Variants in GLCCI1 observed in about 807,000 individuals in gnomAD.
GLCCI1 encodes glucocorticoid induced 1.
A neutral mutation model predicts 52.2 loss-of-function variants in GLCCI1; 24 were observed. The ratio of observed to expected loss-of-function variants is 0.46; its 90% confidence interval spans 0.33 to 0.65. The LOEUF (loss-of-function observed/expected upper bound fraction) is 0.65. Among genes scored for constraint, GLCCI1 ranks in the 30% least tolerant of loss-of-function variants. GLCCI1 has a pLI of 0.02. For missense variants in GLCCI1, 704 were observed against 701.5 expected, an observed-to-expected ratio of 1.00 and a Z score of -0.04; for synonymous variants, 310 against 276.5, an observed-to-expected ratio of 1.12 and a Z score of -1.20.
rs577606335 is a variant in GLCCI1, at chr7:8,036,545, T to C, written c.696+13976T>C. Reference sequence around the variant, plus strand: ...AAGGATCATACTAACTCTCCAGCAATAGATCCTAATGAAAATGAAATCTTT... The same window carrying C: ...AAGGATCATACTAACTCTCCAGCAACAGATCCTAATGAAAATGAAATCTTT... On this transcript the variant is annotated intron_variant, in intron 3 of 7. Coordinates refer to ENST00000223145, the MANE Select transcript of GLCCI1 (RefSeq NM_138426.4). Among the ~76,000 whole-genome samples, 8 of 152,224 alleles carry C rather than the reference T, an allele frequency of 5.3e-5. No individual in the cohort carries two copies. In the South Asian group the frequency reaches 1.7e-3, roughly 32 times the overall value.
In GLCCI1 at chr7:7,968,922, G is replaced by T; in HGVS notation, c.-429G>T. ...TCTCTACCCTGGTCCCCAGAAGCAG[G>T]GGTCCCGGCCCTCCTTGCAGCTGCC... On this transcript the variant is annotated 5_prime_UTR_variant, in exon 1 of 8. Coordinates refer to ENST00000223145, the MANE Select transcript of GLCCI1 (RefSeq NM_138426.4). The T allele has an allele frequency of 6.5e-6, 1 of 154,608 alleles. No individual in the cohort carries two copies. Among genetic ancestry groups the T allele is most frequent in the South Asian group, 1.6e-4 (1 of 6,122 alleles). The allele number at this position is 154,608 out of a possible 1,614,324, so 9.6% of individuals were successfully genotyped here. A position where few individuals can be genotyped will look rare whatever the true frequency, so the allele number is the denominator to read the frequency against.
chr7:8,080,701 C>G (rs1169261680), intron 6 of GLCCI1, among the ~76,000 whole-genome samples: 3 of 146,916 alleles, frequency 2.0e-5, no homozygotes, highest in African/African-American at 8.2e-5. Flanking sequence ...AGAATAGGCA[C>G]TTAATTTTTG....
At chr7:8,082,022 A>G (rs1280635732) in intron 6 of GLCCI1, among the ~76,000 whole-genome samples, 1 of 152,230 alleles carries the variant, frequency 6.6e-6, no homozygotes, top group Non-Finnish European at 1.5e-5. Flanking sequence ...ATTCTCCGGA[A>G]TACCAGAATG....
At chr7:8,027,048 A>T (rs1303761745) in intron 3 of GLCCI1, among the ~76,000 whole-genome samples, 1 of 152,210 alleles carries the variant, frequency 6.6e-6, no homozygotes, top group Non-Finnish European at 1.5e-5. Context: ...TGTGAAGACT[A>T]CAATAAATAC....
chr7:7,994,606 G>A (rs1780903807), intron 1 of GLCCI1, among the ~76,000 whole-genome samples: 1 of 152,140 alleles, frequency 6.6e-6, no homozygotes, highest in Non-Finnish European at 1.5e-5. Context: ...AGCCCTCATG[G>A]CCTAATTGCC....
At chr7:8,040,364 T>G (rs984343473) in intron 3 of GLCCI1, among the ~76,000 whole-genome samples, 1 of 152,062 alleles carries the variant, frequency 6.6e-6, no homozygotes, top group African/African-American at 2.4e-5. Flanking sequence ...TGTGTGCCTG[T>G]GGTCCGAGTT....
intron 3 of GLCCI1, among the ~76,000 whole-genome samples, chr7:8,043,815 T>A (rs1260986455): frequency 6.6e-6 from 1 of 152,126 alleles, no homozygotes; most frequent in Non-Finnish European, 1.5e-5. Flanking sequence ...AAATTCTGTA[T>A]AACAGGCTAT....
chr7:8,087,889 TCTC>T lies in GLCCI1; in HGVS notation c.*1353_*1355del, dbSNP rs1783151813. On this transcript the variant is annotated 3_prime_UTR_variant, in exon 8 of 8. Transcript: ENST00000223145. The stretch of plus-strand genomic sequence containing the variant: ...GAACTTGCAGACTTTTGACACAAGT[TCTC>T]CACAAAGTGTGAAGAGAGCCCCAGG... 1 of 152,604 alleles carries T rather than the reference TCTC, an allele frequency of 6.6e-6. No homozygotes were observed. The highest frequency in any genetic ancestry group is 2.4e-5 in the African/African-American group (1 of 41,456). The allele number at this position is 152,604 out of a possible 1,614,324, so 9.5% of individuals were successfully genotyped here. A position where few individuals can be genotyped will look rare whatever the true frequency, so the allele number is the denominator to read the frequency against.
intron 1 of GLCCI1, among the ~76,000 whole-genome samples, chr7:7,978,513 C>T (rs777304362): frequency 1.3e-4 from 20 of 151,884 alleles, no homozygotes; most frequent in Non-Finnish European, 2.9e-4. Context: ...TTAATAATTT[C>T]TTCTGGGGTG....
intron 1 of GLCCI1, among the ~76,000 whole-genome samples, chr7:7,987,828 A>G (rs1780766765): frequency 6.6e-6 from 1 of 152,026 alleles, no homozygotes; most frequent in South Asian, 2.1e-4. Flanking sequence ...GCCTCAAGTT[A>G]TCCTTCCGCT....
At chr7:8,009,025 A>G (rs1172145230) in intron 2 of GLCCI1, among the ~76,000 whole-genome samples, 3 of 152,182 alleles carry the variant, frequency 2.0e-5, no homozygotes, top group Non-Finnish European at 2.9e-5. Flanking sequence ...GAAGTTAGTA[A>G]TACCCGATTT....
chr7:8,016,418 G>A (rs900169005), intron 2 of GLCCI1, among the ~76,000 whole-genome samples: 11 of 152,038 alleles, frequency 7.2e-5, no homozygotes, highest in African/African-American at 2.4e-4. Flanking sequence ...GCAGCGAGCC[G>A]AGATCGCACC....
intron 1 of GLCCI1, among the ~76,000 whole-genome samples, chr7:7,972,924 T>G (rs1026293904): frequency 6.6e-6 from 1 of 152,208 alleles, no homozygotes; most frequent in Non-Finnish European, 1.5e-5. Flanking sequence ...TGAAACTGTT[T>G]TGTTTGTGCT....
At chr7:8,030,769 C>T (rs950963918) in intron 3 of GLCCI1, among the ~76,000 whole-genome samples, 1 of 152,070 alleles carries the variant, frequency 6.6e-6, no homozygotes, top group Non-Finnish European at 1.5e-5. Context: ...ACGTGGAAAA[C>T]AGGCATACGA....
chr7:8,083,980 A>G (rs1015131356), intron 6 of GLCCI1, among the ~76,000 whole-genome samples: 28 of 152,250 alleles, frequency 1.8e-4, no homozygotes, highest in Non-Finnish European at 2.8e-4. Flanking sequence ...ATAGATGAAA[A>G]TAATACATTT....
chr7:8,077,295 A>G (rs772529467), intron 6 of GLCCI1, among the ~76,000 whole-genome samples: 1 of 152,190 alleles, frequency 6.6e-6, no homozygotes, highest in Non-Finnish European at 1.5e-5. Context: ...CACTCCTTAC[A>G]CTATCTCCTT....
chr7:8,005,916 A>G (rs1256232636), intron 2 of GLCCI1, among the ~76,000 whole-genome samples: 3 of 152,016 alleles, frequency 2.0e-5, no homozygotes, highest in Non-Finnish European at 4.4e-5. Flanking sequence ...CTCCTGCCTC[A>G]GCTTCCTGAG....
chr7:8,063,214 T>C (rs1254143744), intron 5 of GLCCI1, among the ~76,000 whole-genome samples: 1 of 152,162 alleles, frequency 6.6e-6, no homozygotes, highest in Non-Finnish European at 1.5e-5. Context: ...CTTGGCTTAC[T>C]GCAACTTCTG....
At chr7:8,079,974 GT>G (rs1394782307) in intron 6 of GLCCI1, among the ~76,000 whole-genome samples, 1 of 151,454 alleles carries the variant, frequency 6.6e-6, no homozygotes, top group African/African-American at 2.5e-5. Flanking sequence ...TTCTCACAAG[GT>G]GTTAACTTTG....
Sources: gnomAD v4.1 joint callset for allele counts (sites outside exome capture counted in the v4.1 genomes callset) on GRCh38, gnomAD v4.1.1 for gene constraint, MANE v1.5 for transcripts, NCBI Gene and HGNC (gene_info 2026-07-23, HGNC 2026-07-21) for gene names.